The following CFAP46 variants were observed in gnomAD, a reference collection of about 807,000 sequenced individuals.
The protein encoded by CFAP46 is cilia- and flagella-associated protein 46.
A neutral mutation model predicts 325.7 loss-of-function variants in CFAP46; 245 were observed. The ratio of observed to expected loss-of-function variants is 0.75; its 90% CI spans 0.68 to 0.84. The LOEUF (loss-of-function observed/expected upper bound fraction) is 0.84. Among genes scored for constraint, CFAP46 ranks in the 40% least tolerant of loss-of-function variants. CFAP46 has a pLI of 0.00. For missense variants in CFAP46, 3,346 were observed against 3,543.0 expected, an observed-to-expected ratio of 0.94 and a Z score of 1.41; for synonymous variants, 1,523 against 1,495.9, an observed-to-expected ratio of 1.02 and a Z score of -0.42.
chr10:132,898,624 T>G (rs761962675), intron 24 of CFAP46: 1 of 382,536 alleles, frequency 2.6e-6, no homozygotes. Flanking sequence ...TCATGGCAGG[T>G]GGGGCCTGTC....
chr10:132,884,714 TC>T lies in CFAP46; in HGVS notation c.3627+388del, dbSNP rs1849096223. Among the ~76,000 whole-genome samples, 1 of 151,948 alleles carries T rather than the reference TC, an allele frequency of 6.6e-6. No homozygotes were observed. The highest frequency in any genetic ancestry group is 2.4e-5 in the African/African-American group (1 of 41,348). ...ATCCCAGGGCCCTGCAGAGCCCTGC[TC>T]TCCTGTGCAGCCACCCGCCCATCGG... On this transcript the variant is annotated intron_variant, in intron 27 of 57. Coordinates refer to ENST00000368586, the MANE Select transcript of CFAP46 (RefSeq NM_001200049.3). The surrounding 1 kb of genome is among the most constrained non-coding windows in gnomAD (Gnocchi z 5.4).
At chr10:132,882,163 G>A (rs997168842) in intron 27 of CFAP46, among the ~76,000 whole-genome samples, 11 of 149,424 alleles carry the variant, frequency 7.4e-5, no homozygotes, top group Non-Finnish European at 1.2e-4. Flanking sequence ...TGGGGTGTGA[G>A]TGGTGTGTGT....
chr10:132,821,990 CGCTTG>C (rs1310128127), intron 50 of CFAP46, among the ~76,000 whole-genome samples: 9 of 96,320 alleles, frequency 9.3e-5, no homozygotes, highest in African/African-American at 3.6e-4. Context: ...GCTGTGTGTG[CGCTTG>C]TGTGTGCTGT....
Position 132,876,698 on chromosome 10 carries a change from G to T in CFAP46, c.4362+114C>A. 8.6e-7 allele frequency: 1 copy of T among 1,157,128 alleles called. No homozygotes were observed. The highest frequency in any genetic ancestry group is 1.2e-6 in the Non-Finnish European group (1 of 831,284). The allele number at this position is 1,157,128 out of a possible 1,614,324, so 71.7% of individuals were successfully genotyped here. A position where few individuals can be genotyped will look rare whatever the true frequency, so the allele number is the denominator to read the frequency against. ...GGAGGCTGGGGGCTGATGGGACTCT[G>T]TCCTGTCCTCCTTTTTCTGGCTACA... is the stretch of plus-strand genomic sequence containing the variant. On this transcript the variant is annotated intron_variant, in intron 31 of 57. Transcript: ENST00000368586. The surrounding 1 kb of genome is among the most constrained non-coding windows in gnomAD (Gnocchi z 4.1).
At chr10:132,931,461 C>G (rs1849900444) in intron 8 of CFAP46, among the ~76,000 whole-genome samples, 1 of 147,422 alleles carries the variant, frequency 6.8e-6, no homozygotes, top group Non-Finnish European at 1.5e-5. Context: ...TCCCCACATT[C>G]CTCACACAGA....
intron 34 of CFAP46, 110 bp from the exon 35 acceptor site, chr10:132,866,281 C>A: frequency 8.6e-7 from 1 of 1,165,864 alleles, no homozygotes; most frequent in South Asian, 2.3e-5. Flanking sequence ...GGAGCCACAC[C>A]ACACCAAGGG....
At chr10:132,850,558 C>A (rs966891105) in intron 40 of CFAP46, 126 bp from the exon 41 acceptor site, 9 of 940,678 alleles carry the variant, frequency 9.6e-6, no homozygotes, top group African/African-American at 8.3e-5. Context: ...TCTGAGAAAG[C>A]CTTGCCCCGC....
chr10:132,902,060 G>A (rs996916945), intron 22 of CFAP46, among the ~76,000 whole-genome samples: 1 of 152,168 alleles, frequency 6.6e-6, no homozygotes, highest in African/African-American at 2.4e-5. Context: ...ATTCCCCCAC[G>A]ATGGAGCCAG....
Position 132,869,315 on chromosome 10 carries a change from C to T in CFAP46, c.4569G>A (p.Glu1523=), listed in dbSNP as rs1010221305. Residue 1523 remains glutamate (E), a synonymous_variant, in exon 33 of 58, where the codon GAG becomes GAA. Coordinates refer to ENST00000368586, the MANE Select transcript of CFAP46 (RefSeq NM_001200049.3). The surrounding 1 kb of genome is among the most constrained non-coding windows in gnomAD (Gnocchi z 6.2). ...KLREAAARHE[E]AVGQVCVSEL... ...CGCTGACGCACACCTGCCCGACCGC[C>T]TCTTCATGGCGCGCGGCTGCTTCTC... The T allele has an allele frequency of 3.2e-6, 5 of 1,539,308 alleles. No homozygotes were observed. The African/African-American group carries it at 6.9e-5, about 21-fold the overall frequency.
Position 132,884,037 on chromosome 10 carries a change from T to C in CFAP46, c.3627+1066A>G, listed in dbSNP as rs531062209. On this transcript the variant is annotated intron_variant, in intron 27 of 57. Transcript: ENST00000368586. This position sits in a 1 kb window ranked among gnomAD's most constrained non-coding sequence, Gnocchi z 5.4. Reference sequence around the variant, plus strand: ...CAACTGAAGGAAGGACTCGGGTAAGTGAAGACAGAAAACACTTTCAAGGGT... The same window carrying C: ...CAACTGAAGGAAGGACTCGGGTAAGCGAAGACAGAAAACACTTTCAAGGGT... Among the ~76,000 whole-genome samples, 1 of 152,286 alleles carries C rather than the reference T, an allele frequency of 6.6e-6. No homozygotes were observed.
At position 132,827,256 on chromosome 10, in the gene CFAP46, A is replaced by G. The variant is rs1848072894; in HGVS notation, c.7117+6102T>C. Among the ~76,000 whole-genome samples the G allele has an allele frequency of 6.6e-6, 1 of 152,054 alleles. No individual in the cohort carries two copies. Among genetic ancestry groups the G allele is most frequent in the Admixed American group, 6.5e-5 (1 of 15,268 alleles). On this transcript the variant is annotated intron_variant, in intron 50 of 57. Coordinates refer to ENST00000368586, the MANE Select transcript of CFAP46 (RefSeq NM_001200049.3). This position sits in a 1 kb window ranked among gnomAD's most constrained non-coding sequence, Gnocchi z 5.7. The stretch of plus-strand genomic sequence containing the variant: ...GGAGGGACCAGCCACAGTTCCGAGA[A>G]GGGGCTGACCGTGGCCTGTGATGGA...
In CFAP46 at chr10:132,938,668, T is replaced by C; in HGVS notation, c.457A>G (p.Ile153Val). The C allele has an allele frequency of 6.2e-7, 1 of 1,613,696 alleles. No individual in the cohort carries two copies. The highest frequency in any genetic ancestry group is 8.5e-7 in the Non-Finnish European group (1 of 1,179,962). ...TTTATGATTTGGGAAAGGCTGGGGA[T>C]CAGATGGTGACGATATCCAGGCTTG... ...FLKPGYRHHL[I>V]PSLSQIINVL... is the part of the protein sequence containing the mutation. Residue 153 changes from isoleucine (I) to valine (V), a missense_variant, in exon 5 of 58, where the codon ATC (isoleucine) becomes GTC (valine). Transcript: ENST00000368586.
chr10:132,852,913 A>G (rs1848581953), intron 39 of CFAP46, among the ~76,000 whole-genome samples: 1 of 152,244 alleles, frequency 6.6e-6, no homozygotes, highest in African/African-American at 2.4e-5. Flanking sequence ...ATATCCTGCA[A>G]CCTTACAAAA....
intron 8 of CFAP46, among the ~76,000 whole-genome samples, chr10:132,932,904 G>A (rs1317361848): frequency 1.3e-5 from 2 of 152,230 alleles, no homozygotes; most frequent in African/African-American, 4.8e-5. Context: ...CCTCCGGGAC[G>A]CCTCTCTTCC....
chr10:132,887,271 TCTC>T (rs1356758415), intron 25 of CFAP46, among the ~76,000 whole-genome samples: 2 of 103,422 alleles, frequency 1.9e-5, no homozygotes, highest in South Asian at 8.1e-4. Context: ...CTCTCTCTCC[TCTC>T]CTCTCTCCTC....
intron 29 of CFAP46, among the ~76,000 whole-genome samples, chr10:132,878,656 A>G (rs978931844): frequency 6.6e-6 from 1 of 152,180 alleles, no homozygotes; most frequent in Non-Finnish European, 1.5e-5. Flanking sequence ...GTGGGCGCCC[A>G]CAGCCCCGGG....
At position 132,869,131 on chromosome 10, in the gene CFAP46, G is replaced by C; in HGVS notation, c.4610+143C>G. ...CCTCCAGCACGACCCAGGAGAACCG[G>C]CCACAGCCGTGTCCCCCAAGTGCTC... On this transcript the variant is annotated intron_variant, in intron 33 of 57. Coordinates refer to ENST00000368586, the MANE Select transcript of CFAP46 (RefSeq NM_001200049.3). The surrounding 1 kb of genome is among the most constrained non-coding windows in gnomAD (Gnocchi z 6.2). 1.7e-6 allele frequency: 1 copy of C among 596,104 alleles called. No individual in the cohort carries two copies. The highest frequency in any genetic ancestry group is 2.7e-6 in the Non-Finnish European group (1 of 371,744). 36.9% of individuals were successfully genotyped at this position (596,104 alleles called of 1,614,324 possible). A position where few individuals can be genotyped will look rare whatever the true frequency, so the allele number is the denominator to read the frequency against.
Position 132,860,811 on chromosome 10 carries a change from A to G in CFAP46, c.5062T>C (p.Ser1688Pro). The G allele has an allele frequency of 1.9e-6, 3 of 1,551,056 alleles. No individual in the cohort carries two copies. Among genetic ancestry groups the G allele is most frequent in the Non-Finnish European group, 2.6e-6 (3 of 1,147,080 alleles). Residue 1688 changes from serine (S) to proline (P), a missense_variant, in exon 36 of 58, where the codon TCC becomes CCC. Transcript: ENST00000368586. ...STLTLAEALL[S>P]MEHSGREATV... ...GCTTCCCTTCCTGAGTGTTCCATGG[A>G]CAAGAGCGCCTCTGCCAGGGTCAGA... is the stretch of plus-strand genomic sequence containing the variant.
intron 50 of CFAP46, among the ~76,000 whole-genome samples, chr10:132,831,684 A>C (rs1848149424): frequency 6.6e-6 from 1 of 152,064 alleles, no homozygotes; most frequent in Non-Finnish European, 1.5e-5. Flanking sequence ...TCATTTAATC[A>C]GATGATATTT....
Sources: gnomAD v4.1 joint callset for allele counts (sites outside exome capture counted in the v4.1 genomes callset) on GRCh38, gnomAD v4.1.1 for gene constraint, Gnocchi (gnomAD v3.1) non-coding constraint, MANE v1.5 for transcripts, NCBI Gene and HGNC (gene_info 2026-07-23, HGNC 2026-07-21) for gene names.